Variants in ANGPT1 observed in about 807,000 individuals in gnomAD.
ANGPT1 encodes angiopoietin 1, also known as angiopoietin-1.
ANGPT1 carries 17 observed loss-of-function variants against 62.2 expected under a neutral mutation model. The ratio of observed to expected loss-of-function variants is 0.27; its 90% CI spans 0.19 to 0.41. The LOEUF (loss-of-function observed/expected upper bound fraction) is 0.41. Ranked by LOEUF, ANGPT1 falls within the 10% of genes least tolerant of loss-of-function variation. The pLI is 1.00. For missense variants in ANGPT1, 478 were observed against 594.9 expected, an observed-to-expected ratio of 0.80 and a Z score of 2.04; for synonymous variants, 199 against 198.9, an observed-to-expected ratio of 1.00 and a Z score of 0.00.
chr8:107,390,209 C>T (rs1376109352), intron 1 of ANGPT1, among the ~76,000 whole-genome samples: 1 of 152,116 alleles, frequency 6.6e-6, no homozygotes, highest in Non-Finnish European at 1.5e-5. Context: ...CAATATCAGT[C>T]CACATTTCTA....
chr8:107,292,972 T>C (rs1188106851), intron 6 of ANGPT1, among the ~76,000 whole-genome samples: 1 of 152,152 alleles, frequency 6.6e-6, no homozygotes, highest in Non-Finnish European at 1.5e-5. Context: ...TCCATAAATA[T>C]AGATTCTCCT....
At chr8:107,378,933 CATAT>C (rs35844574) in intron 1 of ANGPT1, among the ~76,000 whole-genome samples, 12 of 148,370 alleles carry the variant, frequency 8.1e-5, no homozygotes, top group East Asian at 2.0e-4. Context: ...TATACACATA[CATAT>C]ATATATATAT....
At chr8:107,426,933 A>T (rs1474197050) in intron 1 of ANGPT1, among the ~76,000 whole-genome samples, 2 of 152,048 alleles carry the variant, frequency 1.3e-5, no homozygotes, top group African/African-American at 4.8e-5. Flanking sequence ...AAACCAGAGG[A>T]TTTTTTTTAA....
chr8:107,407,618 G>A (rs894686708), intron 1 of ANGPT1, among the ~76,000 whole-genome samples: 2 of 152,134 alleles, frequency 1.3e-5, no homozygotes, highest in African/African-American at 4.8e-5. Context: ...CAACATGAAA[G>A]TCTTCTCAGA....
chr8:107,277,709 A>G (rs1406761097), intron 7 of ANGPT1, among the ~76,000 whole-genome samples: 1 of 152,232 alleles, frequency 6.6e-6, no homozygotes, highest in Non-Finnish European at 1.5e-5. Flanking sequence ...AATATCATTT[A>G]TTTAGTATTC....
At chr8:107,406,847 T>C (rs977078864) in intron 1 of ANGPT1, among the ~76,000 whole-genome samples, 3 of 151,298 alleles carry the variant, frequency 2.0e-5, no homozygotes, top group African/African-American at 7.3e-5. Flanking sequence ...AATAATTATT[T>C]TTATATTTAC....
intron 1 of ANGPT1, among the ~76,000 whole-genome samples, chr8:107,367,082 C>T (rs1816289527): frequency 6.6e-6 from 1 of 152,106 alleles, no homozygotes; most frequent in Non-Finnish European, 1.5e-5. Flanking sequence ...CCCCAGATCC[C>T]GAAATCTCAC....
intron 3 of ANGPT1, among the ~76,000 whole-genome samples, chr8:107,332,575 G>A (rs1446219119): frequency 1.3e-5 from 2 of 152,150 alleles, no homozygotes; most frequent in Non-Finnish European, 2.9e-5. Context: ...AATTTGTCAG[G>A]ATGTAAATCA....
At chr8:107,428,446 T>C (rs905529638) in intron 1 of ANGPT1, among the ~76,000 whole-genome samples, 1 of 152,124 alleles carries the variant, frequency 6.6e-6, no homozygotes, top group African/African-American at 2.4e-5. Flanking sequence ...AAAAGACCCA[T>C]CCAAACAGAA....
At chr8:107,441,996 A>G (rs1001644677) in intron 1 of ANGPT1, among the ~76,000 whole-genome samples, 1 of 152,046 alleles carries the variant, frequency 6.6e-6, no homozygotes, top group Non-Finnish European at 1.5e-5. Context: ...ATGCAGGAGA[A>G]TCGGTTGAAC....
chr8:107,379,983 T>G (rs1353989646), intron 1 of ANGPT1, among the ~76,000 whole-genome samples: 1 of 152,062 alleles, frequency 6.6e-6, no homozygotes, highest in Admixed American at 6.6e-5. Flanking sequence ...TGAAAGAACT[T>G]CCACACAAAA....
chr8:107,399,698 C>T (rs1403956070), intron 1 of ANGPT1, among the ~76,000 whole-genome samples: 1 of 152,086 alleles, frequency 6.6e-6, no homozygotes, highest in Non-Finnish European at 1.5e-5. Flanking sequence ...AGCCTCAAAC[C>T]CTTTCCACTC....
chr8:107,433,726 T>C (rs1436302466), intron 1 of ANGPT1, among the ~76,000 whole-genome samples: 1 of 152,220 alleles, frequency 6.6e-6, no homozygotes, highest in Non-Finnish European at 1.5e-5. Flanking sequence ...TTCTTGTCTC[T>C]AACTGAAGGT....
At chr8:107,258,050 C>T (rs1330853230) in intron 8 of ANGPT1, among the ~76,000 whole-genome samples, 4 of 150,624 alleles carry the variant, frequency 2.7e-5, no homozygotes, top group Non-Finnish European at 5.9e-5. Context: ...ATATCAAATT[C>T]ACTTAAAACT....
At position 107,362,390 on chromosome 8, in the gene ANGPT1, T is replaced by C. The variant is rs372393867; in HGVS notation, c.298-15293A>G. Among the ~76,000 whole-genome samples, 6 of 152,210 alleles carry C rather than the reference T, an allele frequency of 3.9e-5. No individual in the cohort carries two copies. The East Asian group carries it at 5.8e-4, about 15-fold the overall frequency. Reference sequence around the variant, plus strand: ...TAAAATACATGACACTTTTATTCCATATTCTCATAGAGAAGAAATACAGTT... The same window carrying C: ...TAAAATACATGACACTTTTATTCCACATTCTCATAGAGAAGAAATACAGTT... On this transcript the variant is annotated intron_variant, in intron 1 of 8. Coordinates refer to ENST00000517746, the MANE Select transcript of ANGPT1 (RefSeq NM_001146.5).
intron 1 of ANGPT1, among the ~76,000 whole-genome samples, chr8:107,491,109 T>C (rs905105317): frequency 6.6e-6 from 1 of 152,036 alleles, no homozygotes; most frequent in South Asian, 2.1e-4. Context: ...AACTATGCTG[T>C]AAGCATTGTG....
At chr8:107,424,178 A>G (rs150433596) in intron 1 of ANGPT1, among the ~76,000 whole-genome samples, 24 of 151,988 alleles carry the variant, frequency 1.6e-4, no homozygotes, top group Non-Finnish European at 2.6e-4. Flanking sequence ...AAAATTCTGC[A>G]TTGGACAACA....
At chr8:107,285,203 A>G (rs1211836871) in intron 6 of ANGPT1, among the ~76,000 whole-genome samples, 1 of 152,150 alleles carries the variant, frequency 6.6e-6, no homozygotes, top group Non-Finnish European at 1.5e-5. Flanking sequence ...TATTTTGAAT[A>G]GAGTTTAAAG....
chr8:107,408,545 T>A (rs1359945988), intron 1 of ANGPT1, among the ~76,000 whole-genome samples: 1 of 152,134 alleles, frequency 6.6e-6, no homozygotes, highest in African/African-American at 2.4e-5. Context: ...CTGCTGTCTT[T>A]ATGAACTGCT....
Sources: gnomAD v4.1 joint callset for allele counts (sites outside exome capture counted in the v4.1 genomes callset) on GRCh38, gnomAD v4.1.1 for gene constraint, MANE v1.5 for transcripts, NCBI Gene and HGNC (gene_info 2026-07-23, HGNC 2026-07-21) for gene names.